The following FRYL variants were observed in gnomAD, a reference collection of about 807,000 sequenced individuals.
The protein encoded by FRYL is protein furry homolog-like.
In FRYL, 150 loss-of-function variants were observed where a neutral mutation model predicts 351.2. The ratio of observed to expected loss-of-function variants is 0.43; its 90% confidence interval spans 0.37 to 0.49. FRYL has a LOEUF of 0.49. Ranked by LOEUF, FRYL falls within the 20% of genes least tolerant of loss-of-function variation. The probability of loss-of-function intolerance (pLI) is 0.00; values close to 1 mark genes in which losing one functional copy is unlikely to be tolerated. For synonymous variants in FRYL, 1,153 were observed against 1,257.1 expected (o/e 0.92, Z 1.75); for missense variants, 3,036 against 3,619.3 (o/e 0.84, Z 4.13).
At chr4:48,664,847 C>T (rs1761438319) in intron 3 of FRYL, among the ~76,000 whole-genome samples, 1 of 152,102 alleles carries the variant, frequency 6.6e-6, no homozygotes, top group Non-Finnish European at 1.5e-5. Context: ...ATAAACCACT[C>T]AATAATGAAG....
chr4:48,545,334 C>T (rs1332353958), intron 42 of FRYL, among the ~76,000 whole-genome samples: 2 of 152,132 alleles, frequency 1.3e-5, no homozygotes, highest in Non-Finnish European at 2.9e-5. Flanking sequence ...TTCAAAACGT[C>T]TTTGTGTTCT....
Position 48,535,833 on chromosome 4 carries a change from A to G in FRYL, c.6394-6T>C. 1 of 1,495,988 alleles carries G rather than the reference A, an allele frequency of 6.7e-7. No individual in the cohort carries two copies. The highest frequency in any genetic ancestry group is 9.0e-7 in the Non-Finnish European group (1 of 1,116,358). 92.7% of individuals were successfully genotyped at this position (1,495,988 alleles called of 1,614,324 possible). A position where few individuals can be genotyped will look rare whatever the true frequency, so the allele number is the denominator to read the frequency against. On this transcript the variant is annotated splice_region_variant and splice_polypyrimidine_tract_variant and intron_variant, in intron 47 of 63. Coordinates refer to ENST00000358350, the MANE Select transcript of FRYL (RefSeq NM_015030.2). ...CATTTTTCTTCTGCACAAACCTAGA[A>G]AACAAATAAAATTATTTCATTCACC...
chr4:48,656,911 G>A (rs1759346332), intron 3 of FRYL, among the ~76,000 whole-genome samples: 1 of 151,956 alleles, frequency 6.6e-6, no homozygotes, highest in African/African-American at 2.4e-5. Flanking sequence ...AGGCCCATGT[G>A]GGCAGAGCCT....
chr4:48,675,471 G>C (rs1249260132), intron 3 of FRYL, among the ~76,000 whole-genome samples: 2 of 152,222 alleles, frequency 1.3e-5, no homozygotes, highest in African/African-American at 4.8e-5. Context: ...GGCAATGAGG[G>C]ACTTAGCACC....
At chr4:48,612,033 T>C (rs745980040) in intron 7 of FRYL, among the ~76,000 whole-genome samples, 10 of 152,176 alleles carry the variant, frequency 6.6e-5, no homozygotes, top group Non-Finnish European at 1.5e-4. Flanking sequence ...CTAAAGGCAA[T>C]TGAGAAACAG....
Position 48,549,653 on chromosome 4 carries a change from C to T in FRYL, c.4634-30G>A. 2 of 1,577,410 alleles carry T rather than the reference C, an allele frequency of 1.3e-6. No homozygotes were observed. The highest frequency in any genetic ancestry group is 1.7e-6 in the Non-Finnish European group (2 of 1,152,404). On this transcript the variant is annotated intron_variant, in intron 38 of 63. Coordinates refer to ENST00000358350, the MANE Select transcript of FRYL (RefSeq NM_015030.2). This position sits in a 1 kb window ranked among gnomAD's most constrained non-coding sequence, Gnocchi z 4.2. The stretch of plus-strand genomic sequence containing the variant: ...CAAGATAAAATGATCTCATTTTCTA[C>T]ACCATCTAATTTCTGCCAATATAAG...
intron 47 of FRYL, among the ~76,000 whole-genome samples, chr4:48,537,391 GCATACTATTTTTGC>G (rs1480595312): frequency 6.6e-6 from 1 of 152,104 alleles, no homozygotes; most frequent in Non-Finnish European, 1.5e-5. Context: ...AACTTTTTTA[GCATACTATTTTTGC>G]CATAACGAAT....
rs1764228451 is a variant in FRYL, at chr4:48,679,072, C to CA, written c.-81+5600dup. Among the ~76,000 whole-genome samples the CA allele has an allele frequency of 3.3e-5, 5 of 152,140 alleles. No individual in the cohort carries two copies. In the South Asian group the frequency reaches 1.0e-3, roughly 32 times the overall value. ...AAGTGAAGAAAACAACTAAATGATT[C>CA]AAGTAACTGCACATATTAATATATA... On this transcript the variant is annotated intron_variant, in intron 3 of 63. Transcript: ENST00000358350.
intron 1 of FRYL, among the ~76,000 whole-genome samples, chr4:48,740,289 ATT>A (rs71191255): frequency 1.4e-3 from 141 of 97,892 alleles, no homozygotes; most frequent in African/African-American, 5.7e-3. Flanking sequence ...AAACAATCTG[ATT>A]TTTTTTTTTT....
intron 19 of FRYL, among the ~76,000 whole-genome samples, chr4:48,585,337 A>T (rs2149180660): frequency 6.6e-6 from 1 of 152,350 alleles, no homozygotes; most frequent in Non-Finnish European, 1.5e-5. Flanking sequence ...AGGAGACATA[A>T]AATCTCTGAT....
chr4:48,594,981 C>A (rs1268944409), intron 15 of FRYL, among the ~76,000 whole-genome samples: 1 of 152,152 alleles, frequency 6.6e-6, no homozygotes, highest in African/African-American at 2.4e-5. Context: ...TTAAACCCTG[C>A]CAAGTGATAC....
At chr4:48,708,283 A>T (rs995546039) in intron 2 of FRYL, among the ~76,000 whole-genome samples, 18 of 68,732 alleles carry the variant, frequency 2.6e-4, no homozygotes, top group Admixed American at 1.0e-3. Flanking sequence ...CCGTCTCAAA[A>T]AAATAAATAA....
At chr4:48,515,711 C>T (rs78879190) in intron 55 of FRYL, among the ~76,000 whole-genome samples, 1,978 of 152,136 alleles carry the variant, frequency 0.013, 26 homozygotes, top group Non-Finnish European at 0.021. Context: ...TTATTTTTAA[C>T]GGTCATAGGT....
Position 48,742,826 on chromosome 4 carries a change from T to C in FRYL, c.-383-32128A>G, listed in dbSNP as rs112377696. Reference sequence around the variant, plus strand: ...TCTGAGATTTTTTGTTGTTTTTTTGTTTTTTGTTTTTTGAGACAGAGTTTG... The same window carrying C: ...TCTGAGATTTTTTGTTGTTTTTTTGCTTTTTGTTTTTTGAGACAGAGTTTG... On this transcript the variant is annotated intron_variant, in intron 1 of 63. Coordinates refer to ENST00000358350, the MANE Select transcript of FRYL (RefSeq NM_015030.2). Among the ~76,000 whole-genome samples, 528 of 149,488 alleles carry C rather than the reference T, an allele frequency of 3.5e-3. 6 individuals carry two copies. Among genetic ancestry groups the C allele is most frequent in the African/African-American group, 0.013 (518 of 39,810 alleles).
At position 48,707,914 on chromosome 4, in the gene FRYL, GGGT is replaced by G. The variant is rs564705958; in HGVS notation, c.-204+2602_-204+2604del. Among the ~76,000 whole-genome samples, 141 of 151,128 alleles carry G rather than the reference GGGT, an allele frequency of 9.3e-4. 1 individual carries two copies. Among genetic ancestry groups the G allele is most frequent in the African/African-American group, 3.4e-3 (140 of 41,278 alleles). On this transcript the variant is annotated intron_variant, in intron 2 of 63. Coordinates refer to ENST00000358350, the MANE Select transcript of FRYL (RefSeq NM_015030.2). The stretch of plus-strand genomic sequence containing the variant: ...TGGCTCACTACAACCTCCGCCTCCT[GGGT>G]TCAATTGATTCTCCTGCCTCAGCCT...
intron 1 of FRYL, among the ~76,000 whole-genome samples, chr4:48,731,727 C>T (rs1272204223): frequency 2.6e-5 from 4 of 152,134 alleles, no homozygotes; most frequent in Admixed American, 6.5e-5. Context: ...AACTGGCTAG[C>T]CATATGCAGA....
intron 27 of FRYL, among the ~76,000 whole-genome samples, chr4:48,568,710 A>G (rs1337726589): frequency 6.6e-6 from 1 of 152,204 alleles, no homozygotes; most frequent in African/African-American, 2.4e-5. Flanking sequence ...GAATGAATCA[A>G]TGTATGACCT....
At chr4:48,502,145 C>T (rs1219150941) in intron 61 of FRYL, among the ~76,000 whole-genome samples, 5 of 152,230 alleles carry the variant, frequency 3.3e-5, no homozygotes, top group Admixed American at 6.5e-5. Flanking sequence ...AAAGTGAAAC[C>T]GGATAACCTC....
chr4:48,499,615 A>G lies in FRYL; in HGVS notation c.8849T>C (p.Ile2950Thr), dbSNP rs781490796. 120 of 1,613,970 alleles carry G rather than the reference A, an allele frequency of 7.4e-5. 1 individual carries two copies. Among genetic ancestry groups the G allele is most frequent in the Non-Finnish European group, 1.0e-4 (118 of 1,179,914 alleles). The change falls in exon 64 of 64, where the codon ATA becomes ACA. Residue 2950 changes from isoleucine (I) to threonine (T), a missense_variant. Physicochemically the swap from Ile to Thr is moderately conservative, Grantham distance 89. Coordinates refer to ENST00000358350, the MANE Select transcript of FRYL (RefSeq NM_015030.2). ...GCCCAGCGTCTGATGATGGAAATAT[A>G]TATGTAACAGTGTCTGTACAGGGTC... Reference protein sequence around the residue: ...EDDPVQTLLHIYFHHQTLGQT... With the variant: ...EDDPVQTLLHTYFHHQTLGQT...
Sources: allele counts gnomAD v4.1 joint callset (sites outside exome capture counted in the v4.1 genomes callset), GRCh38; gene constraint gnomAD v4.1.1; non-coding constraint Gnocchi (gnomAD v3.1); transcripts MANE v1.5; gene names NCBI Gene and HGNC (gene_info 2026-07-23, HGNC 2026-07-21).